Variants in ARMC9 observed in about 807,000 individuals in gnomAD.
ARMC9 encodes armadillo repeat containing 9, also known as lisH domain-containing protein ARMC9.
In ARMC9, 94 loss-of-function variants were observed where a neutral mutation model predicts 107.0. That is an observed-to-expected ratio of 0.88 (90% CI 0.74 to 1.04). The LOEUF is 1.04. Ranked by LOEUF, ARMC9 falls within the 50% of genes least tolerant of loss-of-function variation. The pLI is 0.00. For synonymous variants in ARMC9, 380 were observed against 396.9 expected (o/e 0.96, Z 0.51); for missense variants, 942 against 1,030.1 (o/e 0.91, Z 1.17).
chr2:231,323,549 C>T (rs1226907780), intron 19 of ARMC9, among the ~76,000 whole-genome samples: 2 of 152,196 alleles, frequency 1.3e-5, no homozygotes, highest in African/African-American at 2.4e-5. Context: ...TCCGCTCTCT[C>T]CCCTCCCAAG....
intron 11 of ARMC9, among the ~76,000 whole-genome samples, chr2:231,261,951 T>C (rs1408532600): frequency 7.3e-6 from 1 of 136,712 alleles, no homozygotes; most frequent in Non-Finnish European, 1.6e-5. Context: ...GCCTCCCGAG[T>C]AGCTGGGTCT....
chr2:231,285,043 C>G (rs1345984792), intron 17 of ARMC9, among the ~76,000 whole-genome samples: 2 of 151,834 alleles, frequency 1.3e-5, no homozygotes, highest in Admixed American at 6.6e-5. Context: ...ACTAAAAATA[C>G]AAAAATTAGC....
At chr2:231,290,995 A>G (rs2040952727) in intron 17 of ARMC9, among the ~76,000 whole-genome samples, 3 of 149,708 alleles carry the variant, frequency 2.0e-5, no homozygotes, top group African/African-American at 7.4e-5. Flanking sequence ...TCAGCCAGAG[A>G]GTCAATAAAA....
At chr2:231,281,593 T>C (rs2040222611) in intron 16 of ARMC9, among the ~76,000 whole-genome samples, 1 of 151,864 alleles carries the variant, frequency 6.6e-6, no homozygotes, top group East Asian at 1.9e-4. Flanking sequence ...ATATTGAGGG[T>C]AGAGAGACTG....
At chr2:231,256,779 T>C (rs1194141499) in intron 10 of ARMC9, among the ~76,000 whole-genome samples, 159 bp downstream of exon 10, 1 of 152,208 alleles carries the variant, frequency 6.6e-6, no homozygotes, top group Non-Finnish European at 1.5e-5. Context: ...TACTTATAAG[T>C]AATGTTGTTA....
At chr2:231,283,373 G>T (rs755935793) in intron 17 of ARMC9, among the ~76,000 whole-genome samples, 17 of 152,140 alleles carry the variant, frequency 1.1e-4, no homozygotes, top group Non-Finnish European at 2.1e-4. Context: ...CAGCACACTG[G>T]TATTAGTTAT....
intron 9 of ARMC9, among the ~76,000 whole-genome samples, chr2:231,242,125 T>C (rs933118364): frequency 1.3e-5 from 2 of 151,990 alleles, no homozygotes; most frequent in Non-Finnish European, 2.9e-5. Context: ...GTGTTACTTA[T>C]GTAATTTAAA....
intron 20 of ARMC9, among the ~76,000 whole-genome samples, chr2:231,333,807 G>A (rs1470239912): frequency 6.6e-6 from 1 of 152,212 alleles, no homozygotes; most frequent in Non-Finnish European, 1.5e-5. Flanking sequence ...AGCAAGGATG[G>A]CCATTTGCAG....
chr2:231,292,587 G>A (rs2041090109), intron 18 of ARMC9, among the ~76,000 whole-genome samples: 1 of 152,192 alleles, frequency 6.6e-6, no homozygotes, highest in Non-Finnish European at 1.5e-5. Context: ...CCTGGGATGG[G>A]GCAGAGGTGG....
At chr2:231,199,690 A>C (rs1242292626) in intron 1 of ARMC9, among the ~76,000 whole-genome samples, 1 of 152,000 alleles carries the variant, frequency 6.6e-6, no homozygotes, top group Non-Finnish European at 1.5e-5. Flanking sequence ...AAATTCTGTA[A>C]TTTCTTTTTC....
chr2:231,203,062 G>A (rs937504577), intron 1 of ARMC9, among the ~76,000 whole-genome samples: 1 of 152,064 alleles, frequency 6.6e-6, no homozygotes, highest in African/African-American at 2.4e-5. Context: ...GGAGAGTGTG[G>A]CTCTGACCTA....
At chr2:231,263,935 A>T (rs1574857786) in intron 12 of ARMC9, among the ~76,000 whole-genome samples, 1 of 152,208 alleles carries the variant, frequency 6.6e-6, no homozygotes, top group Non-Finnish European at 1.5e-5. Context: ...TGAGTCGAAG[A>T]TACACTTTTT....
chr2:231,352,661 G>GGATAGATAGATAGATA (rs150058513), intron 21 of ARMC9, among the ~76,000 whole-genome samples: 2 of 145,188 alleles, frequency 1.4e-5, no homozygotes, highest in African/African-American at 2.6e-5. Context: ...GATGTTCACA[G>GGATAGATAGATAGATA]GATAGATAGA....
At chr2:231,322,925 T>G (rs1253112112) in intron 19 of ARMC9, among the ~76,000 whole-genome samples, 1 of 152,182 alleles carries the variant, frequency 6.6e-6, no homozygotes, top group Admixed American at 6.5e-5. Flanking sequence ...TGTCGTTTCG[T>G]TTGGAATTCA....
intron 9 of ARMC9, chr2:231,256,364 G>C (rs2037810514): frequency 7.3e-7 from 1 of 1,361,058 alleles, no homozygotes; most frequent in Admixed American, 2.0e-5. Context: ...GATGGGAATG[G>C]TCTGTCACAG....
At chr2:231,286,732 T>C (rs1230254594) in intron 17 of ARMC9, among the ~76,000 whole-genome samples, 1 of 152,170 alleles carries the variant, frequency 6.6e-6, no homozygotes, top group African/African-American at 2.4e-5. Context: ...TTTTACTGTA[T>C]AATGAGAGAT....
chr2:231,341,640 T>TGATA (rs56256642), intron 20 of ARMC9, among the ~76,000 whole-genome samples: 47,670 of 139,910 alleles, frequency 0.34, 8,539 homozygotes, highest in East Asian at 0.41. Flanking sequence ...GATAGATAGA[T>TGATA]GATAGATAGA....
rs774976384 is a variant in ARMC9 at position 231,278,419 on chromosome 2, C to T, written c.1512C>T (p.Leu504=). The change falls in exon 16 of 25, where the codon CTC becomes CTT. Residue 504 remains leucine, a synonymous_variant. Coordinates refer to ENST00000611582, the MANE Select transcript of ARMC9 (RefSeq NM_001352754.2). ...GTGCCAAGGTGGCAGGCCTCGTGCT[C>T]AAAGTCCTTTCGGATCTTCTTGGCC... ...NMCAKVAGLV[L]KVLSDLLGHE... 2.5e-6 allele frequency: 4 copies of T among 1,614,126 alleles called. No homozygotes were observed. The highest frequency in any genetic ancestry group is 3.4e-6 in the Non-Finnish European group (4 of 1,180,020).
intron 3 of ARMC9, among the ~76,000 whole-genome samples, chr2:231,210,432 G>A (rs1466593150): frequency 6.6e-6 from 1 of 152,232 alleles, no homozygotes; most frequent in East Asian, 1.9e-4. Flanking sequence ...GGCTTCCCTG[G>A]TTCTTTCTGG....
Sources: allele counts gnomAD v4.1 joint callset (sites outside exome capture counted in the v4.1 genomes callset), GRCh38; gene constraint gnomAD v4.1.1; transcripts MANE v1.5; gene names NCBI Gene and HGNC (gene_info 2026-07-23, HGNC 2026-07-21).